The following DHRSX variants were observed in gnomAD, a reference collection of about 807,000 sequenced individuals.
The protein encoded by DHRSX is dehydrogenase/reductase X-linked.
In DHRSX, 31 loss-of-function variants were observed where a neutral mutation model predicts 34.0. The observed-to-expected ratio is 0.91, with a 90% CI of 0.69 to 1.23. The LOEUF (loss-of-function observed/expected upper bound fraction) is 1.23, where lower values mean the gene tolerates loss of function less well. Ranked by LOEUF, DHRSX falls within the 50% of genes most tolerant of loss-of-function variation. The pLI is 0.00. For synonymous variants in DHRSX, 201 were observed against 183.8 expected, an observed-to-expected ratio of 1.09 and a Z score of -0.76; for missense variants, 414 against 428.1, an observed-to-expected ratio of 0.97 and a Z score of 0.29.
At chrX:2,477,673 C>T (rs1411959606) in intron 1 of DHRSX, among the ~76,000 whole-genome samples, 1 of 152,062 alleles carries the variant, frequency 6.6e-6, no homozygotes, top group East Asian at 1.9e-4. Context: ...TGAAGAACAC[C>T]CATCTCTACT....
intron 6 of DHRSX, among the ~76,000 whole-genome samples, chrX:2,223,335 C>A (rs1172179053): frequency 6.6e-6 from 1 of 152,212 alleles, no homozygotes; most frequent in African/African-American, 2.4e-5. Context: ...CTTTGCTCCT[C>A]CTTCACCTTC....
intron 6 of DHRSX, among the ~76,000 whole-genome samples, chrX:2,226,592 A>T (rs188832511): frequency 0.023 from 3,575 of 152,172 alleles, 135 homozygotes; most frequent in African/African-American, 0.081. Flanking sequence ...CGAGGTCAGG[A>T]GATCAAGACC....
At chrX:2,243,788 GTTTTTTTTTTT>G (rs778957532) in intron 5 of DHRSX, among the ~76,000 whole-genome samples, 542 of 24,984 alleles carry the variant, frequency 0.022, 2 homozygotes, top group African/African-American at 0.044. Flanking sequence ...TATGCTCCCT[GTTTTTTTTTTT>G]TTTTTTTTTT....
chrX:2,262,183 A>T (rs2041372167), intron 5 of DHRSX, among the ~76,000 whole-genome samples: 1 of 152,188 alleles, frequency 6.6e-6, no homozygotes, highest in East Asian at 1.9e-4. Flanking sequence ...GGTCCAGGCA[A>T]ACCCTTCAGC....
At chrX:2,311,967 A>G (rs1478155119) in intron 3 of DHRSX, among the ~76,000 whole-genome samples, 2 of 152,182 alleles carry the variant, frequency 1.3e-5, no homozygotes, top group East Asian at 3.8e-4. Flanking sequence ...GTTCAAATTT[A>G]AATGCTTCAA....
intron 5 of DHRSX, among the ~76,000 whole-genome samples, chrX:2,252,331 G>C (rs148211493): frequency 0.033 from 5,084 of 152,218 alleles, 279 homozygotes; most frequent in African/African-American, 0.11. Context: ...TCTGATCCAA[G>C]ATAAACTGTA....
chrX:2,491,289 C>T (rs1219870340), intron 1 of DHRSX, among the ~76,000 whole-genome samples: 1 of 152,052 alleles, frequency 6.6e-6, no homozygotes, highest in Non-Finnish European at 1.5e-5. Context: ...AGGCTGGTCT[C>T]GAACTCCTGA....
intron 3 of DHRSX, among the ~76,000 whole-genome samples, chrX:2,376,583 T>C (rs2043142700): frequency 7.3e-6 from 1 of 137,702 alleles, no homozygotes; most frequent in African/African-American, 2.5e-5. Context: ...GATCTTTGCA[T>C]ACAATTAGGT....
At chrX:2,346,727 G>A (rs1274149393) in intron 3 of DHRSX, among the ~76,000 whole-genome samples, 1 of 151,736 alleles carries the variant, frequency 6.6e-6, no homozygotes, top group Non-Finnish European at 1.5e-5. Context: ...GTATCCATGT[G>A]CCATGGTGGT....
At chrX:2,437,200 C>T (rs1178449745) in intron 1 of DHRSX, among the ~76,000 whole-genome samples, 6 of 152,034 alleles carry the variant, frequency 3.9e-5, no homozygotes, top group Admixed American at 6.6e-5. Flanking sequence ...GGAGTTTCAC[C>T]GTGTTAGCCA....
chrX:2,456,088 T>C (rs764476550), intron 1 of DHRSX, among the ~76,000 whole-genome samples: 26 of 152,108 alleles, frequency 1.7e-4, no homozygotes, highest in Admixed American at 1.5e-3. Flanking sequence ...GATTAAGGTG[T>C]CCACAGCATC....
chrX:2,371,729 C>T (rs2043074899), intron 3 of DHRSX, among the ~76,000 whole-genome samples: 1 of 151,772 alleles, frequency 6.6e-6, no homozygotes, highest in East Asian at 1.9e-4. Flanking sequence ...CTCCTCCTCC[C>T]ATTATCACAG....
intron 1 of DHRSX, among the ~76,000 whole-genome samples, chrX:2,461,689 G>A (rs970894253): frequency 2.0e-5 from 3 of 152,060 alleles, no homozygotes; most frequent in South Asian, 2.1e-4. Flanking sequence ...CCACACACGC[G>A]TGGCACCATG....
chrX:2,265,968 T>C (rs755927438), intron 5 of DHRSX, among the ~76,000 whole-genome samples: 126 of 81,070 alleles, frequency 1.6e-3, no homozygotes, highest in East Asian at 2.3e-3. Flanking sequence ...GTACAGCAGA[T>C]GCAGGGAGCA....
At chrX:2,414,232 C>G (rs942695279) in intron 2 of DHRSX, among the ~76,000 whole-genome samples, 1 of 151,912 alleles carries the variant, frequency 6.6e-6, no homozygotes, top group Admixed American at 6.6e-5. Context: ...CCCAACTATA[C>G]CTCATCATAA....
At chrX:2,433,589 G>A (rs774797701) in intron 1 of DHRSX, among the ~76,000 whole-genome samples, 1 of 152,012 alleles carries the variant, frequency 6.6e-6, no homozygotes, top group East Asian at 1.9e-4. Flanking sequence ...GGTGTGTGAT[G>A]TCCCCCTCCC....
intron 3 of DHRSX, among the ~76,000 whole-genome samples, chrX:2,308,698 A>G (rs1299166203): frequency 6.6e-6 from 1 of 152,000 alleles, no homozygotes; most frequent in Non-Finnish European, 1.5e-5. Context: ...TATATTTTTC[A>G]AGAATTCCTA....
chrX:2,448,143 G>C (rs1170032815), intron 1 of DHRSX, among the ~76,000 whole-genome samples: 1 of 150,222 alleles, frequency 6.7e-6, no homozygotes, highest in Non-Finnish European at 1.5e-5. Flanking sequence ...TTCAAGACCA[G>C]CCTGAGCAAC....
chrX:2,463,558 C>T (rs894909757), intron 1 of DHRSX, among the ~76,000 whole-genome samples: 1 of 152,132 alleles, frequency 6.6e-6, no homozygotes, highest in African/African-American at 2.4e-5. Context: ...GGGTGGGGAG[C>T]TGCAATTCCA....
Sources: allele counts gnomAD v4.1 joint callset (sites outside exome capture counted in the v4.1 genomes callset), GRCh38; gene constraint gnomAD v4.1.1; transcripts MANE v1.5; gene names NCBI Gene and HGNC (gene_info 2026-07-23, HGNC 2026-07-21).